SLC38A1: variants seen among roughly 807,000 people sequenced by gnomAD.
The protein encoded by SLC38A1 is solute carrier family 38 member 1.
SLC38A1 carries 18 observed loss-of-function variants against 60.3 expected under a neutral mutation model. That is an observed-to-expected ratio of 0.30 (90% CI 0.21 to 0.44). The LOEUF is 0.44. Among genes scored for constraint, SLC38A1 ranks in the 20% least tolerant of loss-of-function variants. SLC38A1 has a pLI of 1.00. For missense variants in SLC38A1, 448 were observed against 587.2 expected (o/e 0.76, Z 2.45); for synonymous variants, 196 against 212.1 (o/e 0.92, Z 0.66).
At position 46,268,565 on chromosome 12, in the gene SLC38A1, A is replaced by T. The variant is rs536294408; in HGVS notation, c.-248T>A. 3.1e-4 allele frequency: 53 copies of T among 172,338 alleles called. No individual in the cohort carries two copies. Among genetic ancestry groups the T allele is most frequent in the African/African-American group, 1.2e-3 (50 of 42,310 alleles). 10.7% of individuals were successfully genotyped at this position (172,338 alleles called of 1,614,324 possible). ...GGAAAGGTGGCAAAAGGCGATGTGG[A>T]GGTGTCCGCCCTTCCGGGGTTTTTA... On this transcript the variant is annotated 5_prime_UTR_variant, in exon 1 of 17. Coordinates refer to ENST00000398637, the MANE Select transcript of SLC38A1 (RefSeq NM_030674.4). This position sits in a 1 kb window ranked among gnomAD's most constrained non-coding sequence, Gnocchi z 4.4.
In SLC38A1 at chr12:46,203,086, C is replaced by CCACCATT; in HGVS notation, c.825_826insAATGGTG (p.Val276AsnfsTer25). On this transcript the variant is annotated frameshift_variant, in exon 12 of 17. Coordinates refer to ENST00000398637, the MANE Select transcript of SLC38A1 (RefSeq NM_030674.4). LOFTEE classifies it high-confidence loss of function. The stretch of plus-strand genomic sequence containing the variant: ...AATGCAATGGTGGGTAAAGCATACA[C>CCACCATT]GGTCTATTTGAGAGAAAAGAATAGA... The CCACCATT allele has an allele frequency of 6.2e-7, 1 of 1,613,350 alleles. No homozygotes were observed. Among genetic ancestry groups the CCACCATT allele is most frequent in the Non-Finnish European group, 8.5e-7 (1 of 1,179,470 alleles).
chr12:46,252,597 TA>T (rs1320443990), intron 1 of SLC38A1, among the ~76,000 whole-genome samples: 1 of 151,872 alleles, frequency 6.6e-6, no homozygotes, highest in Non-Finnish European at 1.5e-5. Context: ...AGATTTGGTA[TA>T]AATGTTAGAA....
intron 5 of SLC38A1, among the ~76,000 whole-genome samples, chr12:46,228,550 C>G (rs1308191008): frequency 1.3e-5 from 2 of 152,222 alleles, no homozygotes; most frequent in Non-Finnish European, 2.9e-5. Context: ...ATTCTATCAT[C>G]TCTCTTAATC....
intron 1 of SLC38A1, among the ~76,000 whole-genome samples, chr12:46,249,299 C>T (rs2138614361): frequency 6.6e-6 from 1 of 151,974 alleles, no homozygotes. Context: ...AGAACAAAGA[C>T]ACATCATACC....
intron 1 of SLC38A1, among the ~76,000 whole-genome samples, chr12:46,252,445 C>A (rs187502337): frequency 6.6e-6 from 1 of 152,052 alleles, no homozygotes; most frequent in African/African-American, 2.4e-5. Flanking sequence ...ATGTAACAAA[C>A]CTGCACGTTG....
At chr12:46,252,003 A>T (rs1266349330) in intron 1 of SLC38A1, among the ~76,000 whole-genome samples, 1 of 152,170 alleles carries the variant, frequency 6.6e-6, no homozygotes, top group African/African-American at 2.4e-5. Flanking sequence ...TACCCAAAGG[A>T]TTATAAATCT....
intron 1 of SLC38A1, chr12:46,254,917 G>A (rs1466101367): frequency 1.3e-5 from 2 of 152,598 alleles, no homozygotes; most frequent in Non-Finnish European, 2.9e-5. Context: ...GCTGTAAATA[G>A]CTCAAAAGTT....
intron 1 of SLC38A1, among the ~76,000 whole-genome samples, chr12:46,262,904 TAAG>T (rs1476041728): frequency 6.6e-6 from 1 of 152,194 alleles, no homozygotes; most frequent in Non-Finnish European, 1.5e-5. Flanking sequence ...CACCTTAAAA[TAAG>T]AAGATTGGAT....
At position 46,239,902 on chromosome 12, in the gene SLC38A1, T is replaced by A; in HGVS notation, c.-93-9A>T. On this transcript the variant is annotated splice_polypyrimidine_tract_variant and intron_variant, in intron 2 of 16. Coordinates refer to ENST00000398637, the MANE Select transcript of SLC38A1 (RefSeq NM_030674.4). ...ATGGAAGCTTGACACCCCTAAAATATAGCAAAATAAAAAAATAACTAAACA... is the reference window on the plus strand; with the variant it reads ...ATGGAAGCTTGACACCCCTAAAATAAAGCAAAATAAAAAAATAACTAAACA... The A allele has an allele frequency of 9.4e-7, 1 of 1,060,386 alleles. No individual in the cohort carries two copies. The highest frequency in any genetic ancestry group is 1.5e-5 in the South Asian group (1 of 66,652). The allele number at this position is 1,060,386 out of a possible 1,614,324, so 65.7% of individuals were successfully genotyped here.
chr12:46,265,665 A>G (rs1942329109), intron 1 of SLC38A1, among the ~76,000 whole-genome samples: 1 of 152,268 alleles, frequency 6.6e-6, no homozygotes. Context: ...GGTTTTTAAA[A>G]GCAAGGTCCT....
At position 46,201,172 on chromosome 12, in the gene SLC38A1, A is replaced by T; in HGVS notation, c.929T>A (p.Val310Asp). 1 of 1,613,366 alleles carries T rather than the reference A, an allele frequency of 6.2e-7. No homozygotes were observed. Among genetic ancestry groups the T allele is most frequent in the Non-Finnish European group, 8.5e-7 (1 of 1,179,694 alleles). The change falls in exon 13 of 17, where the codon GTT becomes GAT. Residue 310 changes from valine (V) to aspartate (D), a missense_variant. By Grantham distance (152) the Val-to-Asp change is radical (BLOSUM62 -3). Coordinates refer to ENST00000398637, the MANE Select transcript of SLC38A1 (RefSeq NM_030674.4). ...CATGGCGAAAAAGGAGATGTTTGAA[A>T]CCATCTGCATTTTTTTCTGTGATCG... ...KDRSQKKMQMVSNISFFAMFV... is the reference protein window; with the variant it reads ...KDRSQKKMQMDSNISFFAMFV...
chr12:46,221,692 G>C (rs1288276267), intron 5 of SLC38A1, among the ~76,000 whole-genome samples: 1 of 152,192 alleles, frequency 6.6e-6, no homozygotes, highest in Non-Finnish European at 1.5e-5. Context: ...CGTGTTAGCG[G>C]GAGGAAGATG....
chr12:46,198,862 A>C (rs536946762), intron 13 of SLC38A1, 119 bp from the exon 14 acceptor site: 2 of 670,626 alleles, frequency 3.0e-6, no homozygotes, highest in African/African-American at 1.8e-5. Context: ...ATGTTTCGAA[A>C]TGTCTATTAA....
chr12:46,206,168 A>G lies in SLC38A1; in HGVS notation c.564-6T>C, dbSNP rs369156575. ...GGCCATCCACGTACCAGGCTCTGAA[A>G]GGCATTTAAGTGATTAGGTTATATT... On this transcript the variant is annotated splice_region_variant and splice_polypyrimidine_tract_variant and intron_variant, in intron 8 of 16. Transcript: ENST00000398637. 2.7e-5 allele frequency: 43 copies of G among 1,585,690 alleles called. No homozygotes were observed. The African/African-American group carries it at 5.3e-4, about 19-fold the overall frequency.
At position 46,186,582 on chromosome 12, in the gene SLC38A1, T is replaced by C. The variant is rs1415872888; in HGVS notation, c.*2388A>G. ...AAGGATGTAACTAATCAGTGATATT[T>C]GACGAATTATGGTAGGGTCTATTAT... On this transcript the variant is annotated 3_prime_UTR_variant, in exon 17 of 17. Transcript: ENST00000398637. The C allele has an allele frequency of 6.6e-6, 1 of 152,246 alleles. No individual in the cohort carries two copies. The highest frequency in any genetic ancestry group is 1.5e-5 in the Non-Finnish European group (1 of 68,050). The allele number at this position is 152,246 out of a possible 1,614,324, so 9.4% of individuals were successfully genotyped here. A position where few individuals can be genotyped will look rare whatever the true frequency, so the allele number is the denominator to read the frequency against.
intron 13 of SLC38A1, among the ~76,000 whole-genome samples, chr12:46,199,299 G>C (rs1376366392): frequency 7.1e-6 from 1 of 141,758 alleles, no homozygotes; most frequent in Non-Finnish European, 1.5e-5. Context: ...ATTAGTTTAT[G>C]TACTACTTTG....
Position 46,188,857 on chromosome 12 carries a change from C to T in SLC38A1, c.*113G>A. 1 of 849,020 alleles carries T rather than the reference C, an allele frequency of 1.2e-6. No individual in the cohort carries two copies. The highest frequency in any genetic ancestry group is 1.9e-6 in the Non-Finnish European group (1 of 520,074). The allele number at this position is 849,020 out of a possible 1,614,324, so 52.6% of individuals were successfully genotyped here. A position where few individuals can be genotyped will look rare whatever the true frequency, so the allele number is the denominator to read the frequency against. ...CAAAAAGTTATTCCATTTTAAGTAT[C>T]CTGTACATTTCTGTTTGCTTCTGTA... On this transcript the variant is annotated 3_prime_UTR_variant, in exon 17 of 17. Transcript: ENST00000398637.
At chr12:46,204,252 G>T in intron 11 of SLC38A1, 49 bp downstream of exon 11, 1 of 1,120,624 alleles carries the variant, frequency 8.9e-7, no homozygotes, top group Non-Finnish European at 1.4e-6. Flanking sequence ...GAAATAGAAT[G>T]TCCTTAATAA....
chr12:46,253,586 A>C (rs571162736), intron 1 of SLC38A1, among the ~76,000 whole-genome samples: 2 of 152,272 alleles, frequency 1.3e-5, no homozygotes, highest in African/African-American at 2.4e-5. Flanking sequence ...TCTTTACTGC[A>C]ACCTGTTTTA....
Sources: allele counts gnomAD v4.1 joint callset (sites outside exome capture counted in the v4.1 genomes callset), GRCh38; gene constraint gnomAD v4.1.1; non-coding constraint Gnocchi (gnomAD v3.1); transcripts MANE v1.5; gene names NCBI Gene and HGNC (gene_info 2026-07-23, HGNC 2026-07-21).